Variants in ZNF362 observed in about 807,000 individuals in gnomAD.
ZNF362 encodes zinc finger protein 362.
ZNF362 carries 11 observed loss-of-function variants against 42.9 expected under a neutral mutation model. The observed-to-expected ratio is 0.26, with a 90% confidence interval of 0.16 to 0.42. The LOEUF (loss-of-function observed/expected upper bound fraction) is 0.42. ZNF362 is among the 20% of genes least tolerant of loss of function. The pLI is 1.00. For synonymous variants in ZNF362, 255 were observed against 257.3 expected, an observed-to-expected ratio of 0.99 and a Z score of 0.09; for missense variants, 362 against 576.2, an observed-to-expected ratio of 0.63 and a Z score of 3.81.
At chr1:33,186,667 G>T in the ZNF362 span, among the ~76,000 whole-genome samples, 942 of 145,186 alleles carry the variant, frequency 6.5e-3, 5 homozygotes, top group Non-Finnish European at 9.8e-3. Flanking sequence ...TTAGCTGGGC[G>T]TGGTGGCGGG....
At chr1:33,275,534 G>T (rs1645937877) in intron 2 of ZNF362, among the ~76,000 whole-genome samples, 1 of 152,174 alleles carries the variant, frequency 6.6e-6, no homozygotes, top group Admixed American at 6.5e-5. Context: ...GAGTCAAAGG[G>T]CAATAATCAT....
intron 6 of ZNF362, among the ~76,000 whole-genome samples, chr1:33,291,366 G>A (rs1570408990): frequency 1.3e-5 from 2 of 152,336 alleles, no homozygotes; most frequent in African/African-American, 2.4e-5. Context: ...CCAAAGATCA[G>A]ATAGTTGTAG....
intron 6 of ZNF362, among the ~76,000 whole-genome samples, chr1:33,292,340 C>T (rs1005028890): frequency 1.3e-5 from 2 of 152,098 alleles, no homozygotes; most frequent in African/African-American, 2.4e-5. Flanking sequence ...TGGTGTTTGT[C>T]GTTGGTTCTG....
chr1:33,149,674 C>G, the ZNF362 span, among the ~76,000 whole-genome samples: 2 of 149,816 alleles, frequency 1.3e-5, no homozygotes, highest in Middle Eastern at 3.6e-3. Flanking sequence ...AGGCTGGTCT[C>G]GAACTCCTGG....
the ZNF362 span, among the ~76,000 whole-genome samples, chr1:33,173,458 T>A: frequency 6.6e-6 from 1 of 152,162 alleles, no homozygotes; most frequent in African/African-American, 2.4e-5. Context: ...TGTGCATGTA[T>A]GTGCACATTC....
chr1:33,236,161 G>A, the ZNF362 span, among the ~76,000 whole-genome samples: 9 of 152,014 alleles, frequency 5.9e-5, no homozygotes, highest in African/African-American at 2.2e-4. Context: ...GGCTGGATTA[G>A]CGCAATGAAT....
the ZNF362 span, among the ~76,000 whole-genome samples, chr1:33,138,736 T>C: frequency 6.6e-6 from 1 of 152,206 alleles, no homozygotes; most frequent in Non-Finnish European, 1.5e-5. Flanking sequence ...TTTTCCTTTG[T>C]GTCTTGTGTA....
intron 1 of ZNF362, among the ~76,000 whole-genome samples, chr1:33,257,995 G>C (rs1322140773): frequency 3.9e-5 from 6 of 152,128 alleles, no homozygotes; most frequent in Admixed American, 6.5e-5. Flanking sequence ...TGTCTTCCCC[G>C]ACCCCACCCT....
At chr1:33,136,997 CAAA>C in the ZNF362 span, among the ~76,000 whole-genome samples, 1 of 119,462 alleles carries the variant, frequency 8.4e-6, no homozygotes, top group Admixed American at 8.8e-5. Flanking sequence ...ACTCAGTCTC[CAAA>C]AAAAAAAAAA....
At chr1:33,172,556 G>A in the ZNF362 span, among the ~76,000 whole-genome samples, 2,301 of 152,240 alleles carry the variant, frequency 0.015, 71 homozygotes, top group African/African-American at 0.053. Context: ...AGCGGGGGTG[G>A]GCCGGGCAGG....
chr1:33,187,827 G>A, the ZNF362 span, among the ~76,000 whole-genome samples: 3 of 152,312 alleles, frequency 2.0e-5, no homozygotes, highest in African/African-American at 4.8e-5. Context: ...TTGCCAAGTG[G>A]GTCATTGGGA....
chr1:33,271,249 C>T (rs1645901844), intron 2 of ZNF362, among the ~76,000 whole-genome samples: 2 of 152,258 alleles, frequency 1.3e-5, no homozygotes, highest in South Asian at 4.1e-4. Flanking sequence ...TGCCAGGCAA[C>T]ACCGAACGCT....
At chr1:33,289,937 G>A (rs1157691234) in intron 6 of ZNF362, among the ~76,000 whole-genome samples, 3 of 152,150 alleles carry the variant, frequency 2.0e-5, no homozygotes, top group African/African-American at 7.2e-5. Context: ...CTGATAAAGG[G>A]ACTTGTATGC....
At position 33,275,244 on chromosome 1, in the gene ZNF362, T is replaced by G. The variant is rs945753557; in HGVS notation, c.39-856T>G. 2.0e-5 allele frequency: 20 copies of G among 985,422 alleles called. No individual in the cohort carries two copies. The African/African-American group carries it at 3.3e-4, about 16-fold the overall frequency. The allele number at this position is 985,422 out of a possible 1,614,324, so 61.0% of individuals were successfully genotyped here. ...CAGGAAGACAAACCTTCTGGAAGACTGAGATAGCCCTGAAGGCCCATCCTT... is the reference window on the plus strand; with the variant it reads ...CAGGAAGACAAACCTTCTGGAAGACGGAGATAGCCCTGAAGGCCCATCCTT... On this transcript the variant is annotated intron_variant, in intron 2 of 8. Coordinates refer to ENST00000539719, the MANE Select transcript of ZNF362 (RefSeq NM_152493.3).
intron 6 of ZNF362, among the ~76,000 whole-genome samples, chr1:33,293,117 G>T (rs1369940788): frequency 6.6e-6 from 1 of 152,210 alleles, no homozygotes; most frequent in Non-Finnish European, 1.5e-5. Context: ...CTGTGGTGAG[G>T]AATGTGCTCT....
chr1:33,221,341 G>A, the ZNF362 span, among the ~76,000 whole-genome samples: 3 of 152,202 alleles, frequency 2.0e-5, no homozygotes, highest in African/African-American at 7.2e-5. Context: ...GCCAGGTTTG[G>A]GGTGGGCCTG....
rs552773113 is a variant in ZNF362, at chr1:33,275,305, C to G, written c.39-795C>G. On this transcript the variant is annotated intron_variant, in intron 2 of 8. Coordinates refer to ENST00000539719, the MANE Select transcript of ZNF362 (RefSeq NM_152493.3). ...TGGTTGAAAAGGCCTTCTAACCGCA[C>G]AGGCCTGCCATGGAACTTGCCAGAG... 69 of 985,432 alleles carry G rather than the reference C, an allele frequency of 7.0e-5. No individual in the cohort carries two copies. In the African/African-American group the frequency reaches 1.2e-3, roughly 17 times the overall value. The allele number at this position is 985,432 out of a possible 1,614,324, so 61.0% of individuals were successfully genotyped here.
chr1:33,158,862 CAG>C, the ZNF362 span, among the ~76,000 whole-genome samples: 1 of 150,306 alleles, frequency 6.7e-6, no homozygotes, highest in Non-Finnish European at 1.5e-5. Flanking sequence ...TTTTTTGAGA[CAG>C]AGTTTCGCTC....
intron 2 of ZNF362, among the ~76,000 whole-genome samples, chr1:33,272,248 T>C (rs539183415): frequency 1.3e-5 from 2 of 152,144 alleles, no homozygotes; most frequent in African/African-American, 2.4e-5. Context: ...GGTGTGTGGT[T>C]GGCCTTATAG....
Sources: allele counts gnomAD v4.1 joint callset (sites outside exome capture counted in the v4.1 genomes callset), GRCh38; gene constraint gnomAD v4.1.1; transcripts MANE v1.5; gene names NCBI Gene and HGNC (gene_info 2026-07-23, HGNC 2026-07-21).